Variants in SECTM1 observed in about 807,000 individuals in gnomAD.
SECTM1 encodes secreted and transmembrane protein 1.
A neutral mutation model predicts 18.1 loss-of-function variants in SECTM1; 10 were observed. The ratio of observed to expected loss-of-function variants is 0.55; its 90% CI spans 0.34 to 0.94. The LOEUF (loss-of-function observed/expected upper bound fraction) is 0.94. Ranked by LOEUF, SECTM1 falls within the 40% of genes least tolerant of loss-of-function variation. SECTM1 has a pLI of 0.02. For synonymous variants in SECTM1, 137 were observed against 139.2 expected, an observed-to-expected ratio of 0.98 and a Z score of 0.11; for missense variants, 297 against 322.6, an observed-to-expected ratio of 0.92 and a Z score of 0.61.
Position 82,322,248 on chromosome 17 carries a change from C to T in SECTM1, c.660G>A (p.Pro220=), listed in dbSNP as rs376312258. The T allele has an allele frequency of 9.3e-6, 15 of 1,608,556 alleles. No homozygotes were observed. The highest frequency in any genetic ancestry group is 5.3e-5 in the African/African-American group (4 of 74,790). ...GTGAGGGTTTGAACACCAGTGCCAGCGGCCTTGGGGTGGGCTCGGAGTCTG... is the reference window on the plus strand; with the variant it reads ...GTGAGGGTTTGAACACCAGTGCCAGTGGCCTTGGGGTGGGCTCGGAGTCTG... ...WTPDSEPTPR[P]LALVFKPSPL... is the part of the protein sequence containing the mutation. The change falls in exon 5 of 5, where the codon CCG becomes CCA. Residue 220 remains proline (P), a synonymous_variant. Transcript: ENST00000269389.
At position 82,329,962 on chromosome 17, in the gene SECTM1, T is replaced by G. The variant is rs1165969874; in HGVS notation, c.-52-2670A>C. ...TCCCATCTGCATAGTCTCTTTGCCA[T>G]GTCAGGTTCTGGGATGAGGACGTGA... On this transcript the variant is annotated intron_variant, in intron 1 of 4. Coordinates refer to ENST00000269389, the MANE Select transcript of SECTM1 (RefSeq NM_003004.3). The surrounding 1 kb of genome is among the most constrained non-coding windows in gnomAD (Gnocchi z 7.6). Among the ~76,000 whole-genome samples, 1 of 152,184 alleles carries G rather than the reference T, an allele frequency of 6.6e-6. No homozygotes were observed. Among genetic ancestry groups the G allele is most frequent in the Non-Finnish European group, 1.5e-5 (1 of 68,020 alleles).
At chr17:82,327,938 G>A (rs1264333732) in intron 1 of SECTM1, among the ~76,000 whole-genome samples, 1 of 32,004 alleles carries the variant, frequency 3.1e-5, no homozygotes, top group Non-Finnish European at 6.2e-5. Flanking sequence ...CCCCCAGCCC[G>A]TCCACCAGCC....
At chr17:82,327,946 G>GC (rs1037688314) in intron 1 of SECTM1, among the ~76,000 whole-genome samples, 4 of 42,548 alleles carry the variant, frequency 9.4e-5, no homozygotes, top group Admixed American at 2.7e-4. Flanking sequence ...CCGTCCACCA[G>GC]CCCCCCCACC....
chr17:82,324,716 C>T lies in SECTM1; in HGVS notation c.269G>A (p.Gly90Asp), dbSNP rs754754919. The T allele has an allele frequency of 1.9e-6, 3 of 1,614,044 alleles. No homozygotes were observed. The highest frequency in any genetic ancestry group is 2.5e-6 in the Non-Finnish European group (3 of 1,180,040). Residue 90 changes from glycine (G) to aspartate (D), a missense_variant, in exon 3 of 5, where the codon GGC becomes GAC. By Grantham distance (94) the Gly-to-Asp change is moderately conservative. Transcript: ENST00000269389. ...EVAPGYFSRD[G>D]WQLQVQGGVA... ...GCCTCCCTGAACCTGGAGCTGCCAG[C>T]CGTCCCGGGAGAAGTAGCCTGGAGC...
chr17:82,325,823 G>A lies in SECTM1; in HGVS notation c.95-933C>T, dbSNP rs1360155752. The stretch of plus-strand genomic sequence containing the variant: ...GACACGGACGGATGGACGGACAGAC[G>A]GACGGCAGGGTGAGCTCTCGGGGAG... On this transcript the variant is annotated intron_variant, in intron 2 of 4. Coordinates refer to ENST00000269389, the MANE Select transcript of SECTM1 (RefSeq NM_003004.3). This position sits in a 1 kb window ranked among gnomAD's most constrained non-coding sequence, Gnocchi z 7.6. Among the ~76,000 whole-genome samples, 1 of 152,230 alleles carries A rather than the reference G, an allele frequency of 6.6e-6. No individual in the cohort carries two copies. The highest frequency in any genetic ancestry group is 1.5e-5 in the Non-Finnish European group (1 of 68,040).
chr17:82,323,198 C>A, intron 3 of SECTM1, 187 bp from the exon 4 acceptor site: 1 of 638,386 alleles, frequency 1.6e-6, no homozygotes, highest in Middle Eastern at 4.2e-4. Context: ...GGGCGCAGGA[C>A]CAGAGGTGGA....
chr17:82,327,436 TC>T, intron 1 of SECTM1, 144 bp from the exon 2 acceptor site: 1 of 580,322 alleles, frequency 1.7e-6, no homozygotes. Context: ...GCCCCTGCCC[TC>T]CTTCCCTTCC....
rs1290998138 is a variant in SECTM1, at chr17:82,328,957, T to G, written c.-52-1665A>C. ...AGGGAACTCCCATGAGGGAACTCTGTAAAGCGACCTTCAGACGTGCTATTT... is the reference window on the plus strand; with the variant it reads ...AGGGAACTCCCATGAGGGAACTCTGGAAAGCGACCTTCAGACGTGCTATTT... On this transcript the variant is annotated intron_variant, in intron 1 of 4. Coordinates refer to ENST00000269389, the MANE Select transcript of SECTM1 (RefSeq NM_003004.3). The surrounding 1 kb of genome is among the most constrained non-coding windows in gnomAD (Gnocchi z 5.8). Among the ~76,000 whole-genome samples, 1 of 152,196 alleles carries G rather than the reference T, an allele frequency of 6.6e-6. No individual in the cohort carries two copies. Among genetic ancestry groups the G allele is most frequent in the Non-Finnish European group, 1.5e-5 (1 of 68,026 alleles).
intron 1 of SECTM1, among the ~76,000 whole-genome samples, chr17:82,327,691 A>C (rs2052158514): frequency 6.6e-6 from 1 of 152,082 alleles, no homozygotes; most frequent in Admixed American, 6.5e-5. Flanking sequence ...CTCCAGCCCC[A>C]GCCCCTCACC....
rs913810530 is a variant in SECTM1 at position 82,325,195 on chromosome 17, A to G, written c.95-305T>C. ...TTCCTATCAACTCCCTCCCCTGTAT[A>G]TTTCCACTGGGGTGGGTGAAGTCAG... On this transcript the variant is annotated intron_variant, in intron 2 of 4. Transcript: ENST00000269389. This position sits in a 1 kb window ranked among gnomAD's most constrained non-coding sequence, Gnocchi z 7.6. Among the ~76,000 whole-genome samples, 5 of 151,994 alleles carry G rather than the reference A, an allele frequency of 3.3e-5. No homozygotes were observed. Among genetic ancestry groups the G allele is most frequent in the African/African-American group, 1.2e-4 (5 of 41,384 alleles).
intron 1 of SECTM1, among the ~76,000 whole-genome samples, chr17:82,333,457 G>A (rs976119048): frequency 3.3e-5 from 5 of 151,472 alleles, no homozygotes; most frequent in South Asian, 2.1e-4. Flanking sequence ...GGCCTGCGAC[G>A]CACGCTCAGG....
rs2052092444 is a variant in SECTM1 at position 82,321,845 on chromosome 17, G to GA, written c.*315dup. ...AGAGCGGACCCCACACCTGGGGCCGGACCAGCCTGGGGTGGCAGAAAGGGA... is the reference window on the plus strand; with the variant it reads ...AGAGCGGACCCCACACCTGGGGCCGGAACCAGCCTGGGGTGGCAGAAAGGGA... On this transcript the variant is annotated 3_prime_UTR_variant, in exon 5 of 5. Transcript: ENST00000269389. 5.4e-6 allele frequency: 2 copies of GA among 369,160 alleles called. No homozygotes were observed. Among genetic ancestry groups the GA allele is most frequent in the African/African-American group, 4.3e-5 (2 of 46,674 alleles). 22.9% of individuals were successfully genotyped at this position (369,160 alleles called of 1,614,324 possible).
At position 82,322,150 on chromosome 17, in the gene SECTM1, C is replaced by G. The variant is rs2052097795; in HGVS notation, c.*11G>C. The G allele has an allele frequency of 6.2e-7, 1 of 1,613,490 alleles. No individual in the cohort carries two copies. The highest frequency in any genetic ancestry group is 1.1e-5 in the South Asian group (1 of 91,086). On this transcript the variant is annotated 3_prime_UTR_variant, in exon 5 of 5. Coordinates refer to ENST00000269389, the MANE Select transcript of SECTM1 (RefSeq NM_003004.3). ...GCTGGCTCTCCTGTGTCCTCTCTGC[C>G]TTGCAGGCGGCTATGGGTCTGCGGC...
intron 3 of SECTM1, among the ~76,000 whole-genome samples, chr17:82,323,957 G>A (rs1359421610): frequency 2.0e-5 from 3 of 151,156 alleles, no homozygotes; most frequent in Non-Finnish European, 2.9e-5. Context: ...GGTGCTTGTC[G>A]AGGTGGACAA....
chr17:82,331,340 G>A (rs1198137824), intron 1 of SECTM1, among the ~76,000 whole-genome samples: 3 of 152,170 alleles, frequency 2.0e-5, no homozygotes, highest in African/African-American at 7.2e-5. Flanking sequence ...CGGACCATGC[G>A]TGGCCCCAGC....
In SECTM1 at chr17:82,322,290, G is replaced by A. The variant is rs769263766; in HGVS notation, c.618C>T (p.Ser206=). The change falls in exon 5 of 5, where the codon TCC becomes TCT. Residue 206 remains serine (S), a synonymous_variant. Coordinates refer to ENST00000269389, the MANE Select transcript of SECTM1 (RefSeq NM_003004.3). ...AGAQQGLSRA[S]AELWTPDSEP... is the part of the protein sequence containing the mutation. ...CGGAGTCTGGGGTCCACAGTTCAGC[G>A]GAGGCTCTGCTCAGGCCCTGCTGGG... is the stretch of plus-strand genomic sequence containing the variant. 1.2e-5 allele frequency: 20 copies of A among 1,612,690 alleles called. No homozygotes were observed. The highest frequency in any genetic ancestry group is 8.9e-5 in the East Asian group (4 of 44,874).
In SECTM1 at chr17:82,327,286, A is replaced by G; in HGVS notation, c.-46T>C. ...CTGGTCCTTGTCACTGGCTCTTGAA[A>G]CACTCCCTGGAGGAAGGAAAGCCCA... On this transcript the variant is annotated 5_prime_UTR_variant, in exon 2 of 5. Transcript: ENST00000269389. The G allele has an allele frequency of 6.6e-7, 1 of 1,519,814 alleles. No homozygotes were observed. Among genetic ancestry groups the G allele is most frequent in the Non-Finnish European group, 9.0e-7 (1 of 1,113,548 alleles). The allele number at this position is 1,519,814 out of a possible 1,614,324, so 94.1% of individuals were successfully genotyped here. A position where few individuals can be genotyped will look rare whatever the true frequency, so the allele number is the denominator to read the frequency against.
At position 82,329,773 on chromosome 17, in the gene SECTM1, C is replaced by T. The variant is rs1297363408; in HGVS notation, c.-52-2481G>A. Among the ~76,000 whole-genome samples the T allele has an allele frequency of 6.6e-6, 1 of 152,132 alleles. No individual in the cohort carries two copies. Among genetic ancestry groups the T allele is most frequent in the Admixed American group, 6.6e-5 (1 of 15,266 alleles). ...AGCGTCCAGAGGCATCCGCATCCCTCGGCTCATGGCCCCTCTGCCATCTCC... is the reference window on the plus strand; with the variant it reads ...AGCGTCCAGAGGCATCCGCATCCCTTGGCTCATGGCCCCTCTGCCATCTCC... On this transcript the variant is annotated intron_variant, in intron 1 of 4. Coordinates refer to ENST00000269389, the MANE Select transcript of SECTM1 (RefSeq NM_003004.3). The surrounding 1 kb of genome is among the most constrained non-coding windows in gnomAD (Gnocchi z 7.6).
In SECTM1 at chr17:82,324,722, C is replaced by G; in HGVS notation, c.263G>C (p.Arg88Pro). 1.2e-6 allele frequency: 2 copies of G among 1,614,160 alleles called. No homozygotes were observed. The highest frequency in any genetic ancestry group is 8.5e-7 in the Non-Finnish European group (1 of 1,180,028). ...FNEVAPGYFS[R>P]DGWQLQVQGG... ...CTGAACCTGGAGCTGCCAGCCGTCC[C>G]GGGAGAAGTAGCCTGGAGCCACCTC... Residue 88 changes from arginine (R) to proline (P), a missense_variant, in exon 3 of 5, where the codon CGG becomes CCG. By Grantham distance (103) the Arg-to-Pro change is moderately radical (BLOSUM62 -2). Transcript: ENST00000269389.
Sources: allele counts gnomAD v4.1 joint callset (sites outside exome capture counted in the v4.1 genomes callset), GRCh38; gene constraint gnomAD v4.1.1; non-coding constraint Gnocchi (gnomAD v3.1); transcripts MANE v1.5; gene names NCBI Gene and HGNC (gene_info 2026-07-23, HGNC 2026-07-21).